TRAPPC9: variants seen among roughly 807,000 people sequenced by gnomAD.
TRAPPC9 encodes the protein IKK2 binding protein.
Under a neutral mutation model 124.0 loss-of-function variants are expected in TRAPPC9, and 83 were observed. The ratio of observed to expected loss-of-function variants is 0.67; its 90% CI spans 0.56 to 0.80. The LOEUF (loss-of-function observed/expected upper bound fraction) is 0.80. Among genes scored for constraint, TRAPPC9 ranks in the 30% least tolerant of loss-of-function variants. The pLI is 0.00. For missense variants in TRAPPC9, 1,302 were observed against 1,508.3 expected, an observed-to-expected ratio of 0.86 and a Z score of 2.27; for synonymous variants, 638 against 617.5, an observed-to-expected ratio of 1.03 and a Z score of -0.49.
intron 17 of TRAPPC9, among the ~76,000 whole-genome samples, chr8:140,027,591 A>G (rs933776558): frequency 2.0e-5 from 3 of 152,222 alleles, no homozygotes; most frequent in Admixed American, 6.5e-5. Flanking sequence ...AAAACCACAA[A>G]AAAGATATAA....
chr8:140,187,209 C>T (rs1006937167), intron 17 of TRAPPC9, among the ~76,000 whole-genome samples: 2 of 152,154 alleles, frequency 1.3e-5, no homozygotes, highest in African/African-American at 4.8e-5. Flanking sequence ...GGATGCAAAA[C>T]TCACATAAAC....
At chr8:140,309,136 C>A (rs1312584981) in intron 10 of TRAPPC9, among the ~76,000 whole-genome samples, 2 of 152,152 alleles carry the variant, frequency 1.3e-5, no homozygotes, top group Non-Finnish European at 2.9e-5. Flanking sequence ...AGCCGAGGGA[C>A]TAAAATGTGA....
intron 21 of TRAPPC9, among the ~76,000 whole-genome samples, chr8:139,869,888 T>A (rs1828787580): frequency 6.6e-6 from 1 of 152,178 alleles, no homozygotes. Flanking sequence ...CATTAAATTC[T>A]AGAACATGGA....
chr8:139,900,922 G>A (rs1208990501), intron 20 of TRAPPC9, among the ~76,000 whole-genome samples: 1 of 151,714 alleles, frequency 6.6e-6, no homozygotes, highest in African/African-American at 2.4e-5. Context: ...GGGAATCTGT[G>A]AGGTTCTCTT....
At chr8:140,114,972 G>A (rs910311911) in intron 17 of TRAPPC9, among the ~76,000 whole-genome samples, 31 of 152,326 alleles carry the variant, frequency 2.0e-4, no homozygotes, top group African/African-American at 7.5e-4. Flanking sequence ...CATGGAAGGA[G>A]AGAGAAGAAT....
chr8:140,206,912 G>A lies in TRAPPC9; in HGVS notation c.2556+14547C>T, dbSNP rs969653894. On this transcript the variant is annotated intron_variant, in intron 17 of 22. Transcript: ENST00000438773. Reference sequence around the variant, plus strand: ...CTTTTAGTGGGAACAAGCATCTGTCGAGCACCCGTCATGTGCCAGACAGTC... The same window carrying A: ...CTTTTAGTGGGAACAAGCATCTGTCAAGCACCCGTCATGTGCCAGACAGTC... 6.6e-5 allele frequency among the ~76,000 whole-genome samples: 10 copies of A among 152,102 alleles called. No homozygotes were observed. In the South Asian group the frequency reaches 1.0e-3, roughly 16 times the overall value.
intron 16 of TRAPPC9, among the ~76,000 whole-genome samples, chr8:140,236,067 A>G (rs1427516667): frequency 6.7e-6 from 1 of 150,146 alleles, no homozygotes; most frequent in Non-Finnish European, 1.5e-5. Flanking sequence ...AAAAGAAAGT[A>G]CACTGTATTT....
At chr8:140,457,164 G>A (rs1414989255) in intron 1 of TRAPPC9, among the ~76,000 whole-genome samples, 1 of 152,210 alleles carries the variant, frequency 6.6e-6, no homozygotes, top group Non-Finnish European at 1.5e-5. Flanking sequence ...GGGCTGTGCT[G>A]GGCCCCAGGC....
chr8:140,440,827 C>T (rs1029367661), intron 2 of TRAPPC9, among the ~76,000 whole-genome samples: 1 of 152,138 alleles, frequency 6.6e-6, no homozygotes, highest in East Asian at 1.9e-4. Context: ...ACGCTGAAGT[C>T]CCCCAACCTC....
rs58789801 is a variant in TRAPPC9 at position 139,872,388 on chromosome 8, G to GTGGATGGGTGGATGGATGGA, written c.3055+13490_3055+13491insTCCATCCATCCACCCATCCA. ...GATGGGTAAATGGTTGGATAAGTGG[G>GTGGATGGGTGGATGGATGGA]TGGATGGATGGATGGATGGATGGAT... On this transcript the variant is annotated intron_variant, in intron 21 of 22. Coordinates refer to ENST00000438773, the MANE Select transcript of TRAPPC9 (RefSeq NM_001160372.4). 9.5e-3 allele frequency among the ~76,000 whole-genome samples: 709 copies of GTGGATGGGTGGATGGATGGA among 74,890 alleles called. 27 individuals carry two copies. The highest frequency in any genetic ancestry group is 0.023 in the African/African-American group (552 of 23,976). The allele number at this position is 74,890 out of a possible 152,430, so 49.1% of individuals were successfully genotyped here.
At chr8:139,762,947 C>T (rs750787748) in intron 21 of TRAPPC9, among the ~76,000 whole-genome samples, 5 of 152,324 alleles carry the variant, frequency 3.3e-5, no homozygotes, top group Non-Finnish European at 5.9e-5. Context: ...ACTGCACATG[C>T]CCTGCACCGG....
chr8:140,452,029 G>GA (rs2071479454), intron 1 of TRAPPC9, among the ~76,000 whole-genome samples: 1 of 151,456 alleles, frequency 6.6e-6, no homozygotes, highest in Non-Finnish European at 1.5e-5. Context: ...GCTGAGGCAG[G>GA]AAAATCACTG....
In TRAPPC9 at chr8:139,731,087, C is replaced by G; in HGVS notation, c.3421G>C (p.Val1141Leu). Reference sequence around the variant, plus strand: ...CAGGCCTGCGCCTCCAGGGCACACACGTGCACACTGGGCAGGCAGAACCAA... The same window carrying G: ...CAGGCCTGCGCCTCCAGGGCACACAGGTGCACACTGGGCAGGCAGAACCAA... ...PSWFCLPSVHVCALEAQA is the reference protein window; with the variant it reads ...PSWFCLPSVHLCALEAQA Residue 1141 changes from valine (V) to leucine (L), a missense_variant, in exon 23 of 23, where the codon GTG (valine) becomes CTG (leucine). Val to Leu is a conservative substitution (Grantham distance 32, BLOSUM62 1). This residue lies in a region of TRAPPC9 where 640 missense variants were observed against 679.3 expected (regional missense o/e 0.94). Transcript: ENST00000438773. 2 of 1,613,412 alleles carry G rather than the reference C, an allele frequency of 1.2e-6. No homozygotes were observed. The highest frequency in any genetic ancestry group is 1.7e-6 in the Non-Finnish European group (2 of 1,180,002).
chr8:139,756,184 G>A (rs1488479012), intron 21 of TRAPPC9, among the ~76,000 whole-genome samples: 2 of 122,246 alleles, frequency 1.6e-5, no homozygotes, highest in African/African-American at 7.2e-5. Context: ...GCAGGTCGCA[G>A]GAGGAGCCAG....
chr8:140,196,603 G>T (rs2062675166), intron 17 of TRAPPC9, among the ~76,000 whole-genome samples: 1 of 147,878 alleles, frequency 6.8e-6, no homozygotes, highest in African/African-American at 2.5e-5. Flanking sequence ...CCACCATACA[G>T]ATCACACCTG....
intron 17 of TRAPPC9, among the ~76,000 whole-genome samples, chr8:140,159,715 A>T (rs1414691233): frequency 6.6e-6 from 1 of 152,188 alleles, no homozygotes; most frequent in African/African-American, 2.4e-5. Flanking sequence ...TCTCAATCCT[A>T]TTTCTGAAAC....
chr8:140,157,034 A>AAAGCCTCCCTTTCCATTCAG (rs2061651670), intron 17 of TRAPPC9, among the ~76,000 whole-genome samples: 3 of 43,372 alleles, frequency 6.9e-5, no homozygotes, highest in African/African-American at 1.7e-4. Context: ...TTTCCATTCA[A>AAAGCCTCCCTTTCCATTCAG]AAGCCTCCCT....
chr8:140,378,724 T>C (rs2068519993), intron 7 of TRAPPC9, among the ~76,000 whole-genome samples: 1 of 152,218 alleles, frequency 6.6e-6, no homozygotes, highest in Non-Finnish European at 1.5e-5. Flanking sequence ...TTAGGGGATC[T>C]TGGCTTTACA....
intron 21 of TRAPPC9, among the ~76,000 whole-genome samples, chr8:139,835,924 T>C (rs567459016): frequency 6.6e-6 from 1 of 152,244 alleles, no homozygotes; most frequent in South Asian, 2.1e-4. Context: ...GTTATATATA[T>C]CTATATCTAC....
Sources: allele counts gnomAD v4.1 joint callset (sites outside exome capture counted in the v4.1 genomes callset), GRCh38; gene constraint gnomAD v4.1.1; regional missense constraint gnomAD v4.1.1; transcripts MANE v1.5; gene names NCBI Gene and HGNC (gene_info 2026-07-23, HGNC 2026-07-21).